DYNC2LI1: variants seen among roughly 807,000 people sequenced by gnomAD.
DYNC2LI1 encodes dynein cytoplasmic 2 light intermediate chain 1.
DYNC2LI1 carries 45 observed loss-of-function variants against 51.9 expected under a neutral mutation model. The observed-to-expected ratio is 0.87, with a 90% CI of 0.68 to 1.11. DYNC2LI1 has a LOEUF of 1.11. DYNC2LI1 is among the 50% of genes most tolerant of loss of function. DYNC2LI1 has a pLI of 0.00. For synonymous variants in DYNC2LI1, 130 were observed against 137.8 expected (o/e 0.94, Z 0.40); for missense variants, 490 against 417.4 (o/e 1.17, Z -1.51).
downstream of DYNC2LI1, among the ~76,000 whole-genome samples, chr2:43,812,215 T>C (rs1449635066): frequency 6.6e-6 from 1 of 152,076 alleles, no homozygotes; most frequent in Non-Finnish European, 1.5e-5. Context: ...CATGTCTAGC[T>C]ATGTCAGCAT....
In DYNC2LI1 at chr2:43,796,126, G is replaced by A. The variant is rs79195567; in HGVS notation, c.576+168G>A. Among the ~76,000 whole-genome samples, 39 of 152,186 alleles carry A rather than the reference G, an allele frequency of 2.6e-4. 1 individual carries two copies. The East Asian group carries it at 7.5e-3, about 29-fold the overall frequency. On this transcript the variant is annotated intron_variant, in intron 7 of 12. Transcript: ENST00000260605. ...GACATAGTTGGGACAGAAAAAAATA[G>A]GTAAAGAAAATAAATGCAGTGATTA...
At chr2:43,825,265 CTCCCA>C in the DYNC2LI1 span, among the ~76,000 whole-genome samples, 2 of 152,182 alleles carry the variant, frequency 1.3e-5, no homozygotes, top group Non-Finnish European at 2.9e-5. Context: ...GTCATGCTGC[CTCCCA>C]TCCTGACGCC....
At chr2:43,792,741 A>C in intron 5 of DYNC2LI1, 1 of 1,547,478 alleles carries the variant, frequency 6.5e-7, no homozygotes, top group Non-Finnish European at 8.7e-7. Context: ...CCTCATATAA[A>C]TGAAATCATT....
rs752918000 is a variant in DYNC2LI1 at position 43,776,910 on chromosome 2, CT to C, written c.126+18del. On this transcript the variant is annotated intron_variant, in intron 2 of 12. Transcript: ENST00000260605. ...GGCAGTAAAAATGGGGTAATGCTTT[CT>C]TTTTTTCAATTATTGTGATGATTTA... 4 of 1,316,302 alleles carry C rather than the reference CT, an allele frequency of 3.0e-6. No individual in the cohort carries two copies. Among genetic ancestry groups the C allele is most frequent in the East Asian group, 2.3e-5 (1 of 43,002 alleles). 81.5% of individuals were successfully genotyped at this position (1,316,302 alleles called of 1,614,324 possible).
At chr2:43,784,595 G>T (rs996594411) in intron 3 of DYNC2LI1, among the ~76,000 whole-genome samples, 2 of 151,876 alleles carry the variant, frequency 1.3e-5, no homozygotes, top group African/African-American at 4.8e-5. Flanking sequence ...CCACCACGCC[G>T]AGCTAATTTT....
the DYNC2LI1 span, among the ~76,000 whole-genome samples, chr2:43,818,127 A>G: frequency 6.6e-6 from 1 of 152,146 alleles, no homozygotes; most frequent in Non-Finnish European, 1.5e-5. Flanking sequence ...TTCTGAAAGT[A>G]AAAAACAGGA....
downstream of DYNC2LI1, among the ~76,000 whole-genome samples, chr2:43,811,750 A>G (rs1289813793): frequency 1.3e-5 from 2 of 152,008 alleles, no homozygotes; most frequent in African/African-American, 4.8e-5. Context: ...GCCTGCCACC[A>G]TGCCCAGCTA....
chr2:43,816,426 A>G, the DYNC2LI1 span, among the ~76,000 whole-genome samples: 41 of 148,048 alleles, frequency 2.8e-4, no homozygotes, highest in African/African-American at 9.8e-4. Flanking sequence ...GACTTTGTGC[A>G]GGTGGCGGAG....
chr2:43,826,413 G>C, the DYNC2LI1 span: 1 of 1,614,036 alleles, frequency 6.2e-7, no homozygotes, highest in Non-Finnish European at 8.5e-7. Flanking sequence ...CTGGTGAATG[G>C]TGAGAACCAC....
downstream of DYNC2LI1, chr2:43,814,612 T>C: frequency 7.2e-7 from 1 of 1,394,482 alleles, no homozygotes; most frequent in South Asian, 1.2e-5. Flanking sequence ...AAAACAAAAA[T>C]GAAATTCAGT....
chr2:43,801,854 C>T (rs1666088490), intron 10 of DYNC2LI1, 145 bp downstream of exon 10: 3 of 597,432 alleles, frequency 5.0e-6, no homozygotes, highest in African/African-American at 1.9e-5. Context: ...TTTATATGCC[C>T]AGTATTAATG....
chr2:43,792,040 A>G (rs1673817663), intron 5 of DYNC2LI1, among the ~76,000 whole-genome samples: 1 of 152,124 alleles, frequency 6.6e-6, no homozygotes, highest in Non-Finnish European at 1.5e-5. Context: ...TGTTATATCC[A>G]TTTCATCACA....
the DYNC2LI1 span, chr2:43,826,421 C>A: frequency 8.1e-6 from 13 of 1,614,030 alleles, no homozygotes; most frequent in Non-Finnish European, 1.0e-5. Context: ...TGGTGAGAAC[C>A]ACAATTCGGT....
intron 2 of DYNC2LI1, among the ~76,000 whole-genome samples, chr2:43,780,849 T>C (rs1206108252): frequency 1.3e-5 from 2 of 152,242 alleles, no homozygotes; most frequent in South Asian, 4.1e-4. Context: ...GGGATTCATT[T>C]TGATGGTCTC....
chr2:43,810,384 C>T, downstream of DYNC2LI1: 3 of 985,352 alleles, frequency 3.0e-6, no homozygotes, highest in Non-Finnish European at 3.6e-6. Context: ...AGAACAGGCA[C>T]ATCTAAGGAG....
chr2:43,789,665 T>C lies in DYNC2LI1; in HGVS notation c.264T>C (p.Gly88=), dbSNP rs1169388362. ...PKDIAHFWEL[G]GGTSLLDLIS... ...ATATCGCTCACTTTTGGGAACTCGGTGGAGGAACCTCTTTATTGGACTTAA... is the reference window on the plus strand; with the variant it reads ...ATATCGCTCACTTTTGGGAACTCGGCGGAGGAACCTCTTTATTGGACTTAA... Residue 88 remains glycine, a synonymous_variant, in exon 5 of 13, where the codon GGT becomes GGC. Coordinates refer to ENST00000260605, the MANE Select transcript of DYNC2LI1 (RefSeq NM_016008.4). 7.4e-6 allele frequency: 12 copies of C among 1,613,870 alleles called. No individual in the cohort carries two copies. The highest frequency in any genetic ancestry group is 1.3e-5 in the African/African-American group (1 of 74,914).
At chr2:43,806,659 T>A (rs1666269472) in intron 12 of DYNC2LI1, among the ~76,000 whole-genome samples, 1 of 152,216 alleles carries the variant, frequency 6.6e-6, no homozygotes, top group Admixed American at 6.5e-5. Flanking sequence ...AATATCTGTT[T>A]ATATTGTATA....
chr2:43,789,650 C>G lies in DYNC2LI1; in HGVS notation c.249C>G (p.His83Gln). 6.2e-7 allele frequency: 1 copy of G among 1,613,820 alleles called. No homozygotes were observed. The highest frequency in any genetic ancestry group is 8.5e-7 in the Non-Finnish European group (1 of 1,179,874). ...KGHNTPKDIA[H>Q]FWELGGGTSL... ...TTTTTCAGCCAAAAGATATCGCTCA[C>G]TTTTGGGAACTCGGTGGAGGAACCT... is the stretch of plus-strand genomic sequence containing the variant. The change falls in exon 5 of 13, where the codon CAC becomes CAG. Residue 83 changes from histidine to glutamine, a missense_variant. Transcript: ENST00000260605.
chr2:43,825,718 T>C, the DYNC2LI1 span, among the ~76,000 whole-genome samples: 2 of 152,042 alleles, frequency 1.3e-5, no homozygotes. Context: ...GCGATTCTCC[T>C]GCCTCAGCTT....
Sources: gnomAD v4.1 joint callset for allele counts (sites outside exome capture counted in the v4.1 genomes callset) on GRCh38, gnomAD v4.1.1 for gene constraint, MANE v1.5 for transcripts, NCBI Gene and HGNC (gene_info 2026-07-23, HGNC 2026-07-21) for gene names.